Variants in LOC128462377 observed in about 807,000 individuals in gnomAD.
chr16:89,367,228 C>T, the LOC128462377 span, among the ~76,000 whole-genome samples: 1 of 152,234 alleles, frequency 6.6e-6, no homozygotes, highest in Non-Finnish European at 1.5e-5. Context: ...GTCCACTCCA[C>T]GTGGGAGTTC....
the LOC128462377 span, among the ~76,000 whole-genome samples, chr16:89,340,406 C>T: frequency 6.6e-6 from 1 of 152,238 alleles, no homozygotes; most frequent in East Asian, 1.9e-4. Flanking sequence ...CCCTGAGTAG[C>T]TGAGATTACA....
the LOC128462377 span, chr16:89,343,754 C>T: frequency 1.3e-5 from 2 of 152,334 alleles, no homozygotes; most frequent in African/African-American, 4.8e-5. Context: ...GGGTCTCCAA[C>T]TGAGCAGTCA....
the LOC128462377 span, chr16:89,324,325 G>A: frequency 9.5e-4 from 1,168 of 1,225,236 alleles, 15 homozygotes; most frequent in African/African-American, 0.016. Context: ...CACAGCAGTC[G>A]GGGCGACGTG....
the LOC128462377 span, among the ~76,000 whole-genome samples, chr16:89,346,977 A>G: frequency 6.6e-6 from 1 of 152,254 alleles, no homozygotes; most frequent in African/African-American, 2.4e-5. Context: ...ACAAAATAGG[A>G]AGGCGCGAAC....
chr16:89,407,105 G>C, the LOC128462377 span, among the ~76,000 whole-genome samples: 1 of 152,044 alleles, frequency 6.6e-6, no homozygotes, highest in Non-Finnish European at 1.5e-5. Context: ...TGAAGCCCAG[G>C]TACTCGGGAG....
the LOC128462377 span, among the ~76,000 whole-genome samples, chr16:89,333,661 C>A: frequency 6.2e-4 from 95 of 152,340 alleles, no homozygotes; most frequent in Middle Eastern, 3.4e-3. Flanking sequence ...GGCCTGGCAG[C>A]TCGTCTGTTT....
the LOC128462377 span, among the ~76,000 whole-genome samples, chr16:89,384,850 T>C: frequency 6.9e-6 from 1 of 145,896 alleles, no homozygotes; most frequent in African/African-American, 2.6e-5. Flanking sequence ...AGAACATGTG[T>C]GTGGGAGCAC....
the LOC128462377 span, among the ~76,000 whole-genome samples, chr16:89,407,696 C>G: frequency 1.3e-5 from 2 of 151,952 alleles, no homozygotes; most frequent in Non-Finnish European, 2.9e-5. Context: ...TAGACACACA[C>G]AGAATTAGCC....
chr16:89,349,411 C>T, the LOC128462377 span, among the ~76,000 whole-genome samples: 3 of 151,922 alleles, frequency 2.0e-5, no homozygotes, highest in Admixed American at 6.6e-5. Flanking sequence ...ACCCGGGAGG[C>T]GGAGCTTACA....
chr16:89,353,753 T>TA, the LOC128462377 span, among the ~76,000 whole-genome samples: 1 of 152,160 alleles, frequency 6.6e-6, no homozygotes, highest in Non-Finnish European at 1.5e-5. Flanking sequence ...GTGCTGGGAT[T>TA]ACAGGCGTGA....
chr16:89,334,701 A>T, the LOC128462377 span, among the ~76,000 whole-genome samples: 2 of 152,094 alleles, frequency 1.3e-5, no homozygotes, highest in Non-Finnish European at 2.9e-5. Flanking sequence ...GGCACACCCC[A>T]GGGATGAGCA....
the LOC128462377 span, among the ~76,000 whole-genome samples, chr16:89,386,221 T>C: frequency 6.6e-6 from 1 of 152,220 alleles, no homozygotes; most frequent in East Asian, 1.9e-4. Flanking sequence ...CACTACAAGT[T>C]TTCCATTAAC....
At chr16:89,355,280 C>T in the LOC128462377 span, among the ~76,000 whole-genome samples, 7 of 151,856 alleles carry the variant, frequency 4.6e-5, no homozygotes, top group East Asian at 9.7e-4. Flanking sequence ...AGAGGGCTCA[C>T]ACCCTGAGGC....
the LOC128462377 span, among the ~76,000 whole-genome samples, chr16:89,351,395 G>C: frequency 1.4e-4 from 21 of 152,202 alleles, no homozygotes; most frequent in Admixed American, 3.9e-4. Context: ...ATACTGAGCA[G>C]GTGGCTGACT....
chr16:89,365,033 T>C, the LOC128462377 span, among the ~76,000 whole-genome samples: 81 of 152,252 alleles, frequency 5.3e-4, no homozygotes, highest in Non-Finnish European at 9.1e-4. Context: ...CTATGAATTC[T>C]GTTTTATAGG....
the LOC128462377 span, among the ~76,000 whole-genome samples, chr16:89,407,210 G>A: frequency 9.9e-5 from 15 of 151,484 alleles, no homozygotes; most frequent in African/African-American, 3.1e-4. Context: ...AAAAGAACAC[G>A]CAGACAGAAA....
the LOC128462377 span, among the ~76,000 whole-genome samples, chr16:89,349,138 A>AAAAAAAAAAAAAAAAAAG: frequency 7.4e-6 from 1 of 135,324 alleles, no homozygotes; most frequent in Non-Finnish European, 1.6e-5. Flanking sequence ...AAAAAGTAAA[A>AAAAAAAAAAAAAAAAAAG]AAAAAAAAAA....
chr16:89,366,641 G>A, the LOC128462377 span, among the ~76,000 whole-genome samples: 12 of 152,144 alleles, frequency 7.9e-5, no homozygotes, highest in Admixed American at 4.6e-4. Context: ...TGGCTAACCC[G>A]AGCTGTTTCC....
chr16:89,341,851 C>T, the LOC128462377 span, among the ~76,000 whole-genome samples: 1 of 150,670 alleles, frequency 6.6e-6, no homozygotes, highest in South Asian at 2.1e-4. Context: ...GGGAGTGCTG[C>T]ACCTCCACCC....
Sources: allele counts gnomAD v4.1 joint callset (sites outside exome capture counted in the v4.1 genomes callset), GRCh38; gene constraint gnomAD v4.1.1; transcripts MANE v1.5.